NES: variants seen among roughly 807,000 people sequenced by gnomAD.
NES encodes nestin.
A neutral mutation model predicts 35.6 loss-of-function variants in NES; 27 were observed. That is an observed-to-expected ratio of 0.76 (90% CI 0.56 to 1.04). The LOEUF is 1.04. Ranked by LOEUF, NES falls within the 50% of genes least tolerant of loss-of-function variation. The pLI is 0.00. For synonymous variants in NES, 822 were observed against 824.2 expected (o/e 1.00, Z 0.04); for missense variants, 1,867 against 1,983.6 (o/e 0.94, Z 1.12).
chr1:156,669,541 C>T lies in NES; in HGVS notation c.4647G>A (p.Val1549=). Residue 1549 remains valine, a synonymous_variant, in exon 4 of 4, where the codon GTG becomes GTA. Transcript: ENST00000368223. ...CCAGCCCGTTCATCACTCCCCCATTCACATGCTGTGACTTCCCCTCCAAGT... is the reference window on the plus strand; with the variant it reads ...CCAGCCCGTTCATCACTCCCCCATTTACATGCTGTGACTTCCCCTCCAAGT... The part of the protein sequence containing the change: ...GPNLEGKSQH[V]NGGVMNGLEQ... 5.0e-6 allele frequency: 8 copies of T among 1,612,820 alleles called. No homozygotes were observed. The Middle Eastern group carries it at 9.9e-4, about 200-fold the overall frequency.
chr1:156,672,708 G>A lies in NES; in HGVS notation c.1480C>T (p.Arg494Ter), dbSNP rs374213104. Residue 494 changes from arginine to a stop codon, truncating the protein, a stop_gained, in exon 4 of 4, where the codon CGA (arginine) becomes TGA (stop). Coordinates refer to ENST00000368223, the MANE Select transcript of NES (RefSeq NM_006617.2). LOFTEE classifies it low-confidence loss of function (END_TRUNC). ...CAGATTTGCCCTTCACCTTCCCCTC[G>A]GCATATGCTGAACACTCTAGACCCA... is the stretch of plus-strand genomic sequence containing the variant. ...SGGSRVFSIC[R>*]GEGEGQIWGL... is the part of the protein sequence containing the mutation. 8 of 1,613,382 alleles carry A rather than the reference G, an allele frequency of 5.0e-6. No homozygotes were observed. Among genetic ancestry groups the A allele is most frequent in the African/African-American group, 1.3e-5 (1 of 74,870 alleles).
intron 3 of NES, 121 bp downstream of exon 3, chr1:156,673,333 T>C (rs367783470): frequency 1.5e-6 from 2 of 1,309,932 alleles, no homozygotes; most frequent in East Asian, 2.3e-5. Flanking sequence ...GCTGAGAGCA[T>C]GCTCACTGAC....
At position 156,673,437 on chromosome 1, in the gene NES, T is replaced by G. The variant is rs766554929; in HGVS notation, c.982+17A>C. The stretch of plus-strand genomic sequence containing the variant: ...AAAGCAGGGTAGTTTCTGGGGGAAC[T>G]TGGCCCCTCCTCTTACCCTGAAAGC... On this transcript the variant is annotated intron_variant, in intron 3 of 3. Coordinates refer to ENST00000368223, the MANE Select transcript of NES (RefSeq NM_006617.2). The G allele has an allele frequency of 1.9e-5, 30 of 1,607,194 alleles. No individual in the cohort carries two copies. Among genetic ancestry groups the G allele is most frequent in the Non-Finnish European group, 1.4e-5 (17 of 1,175,026 alleles).
intron 1 of NES, 21 bp from the exon 2 acceptor site, chr1:156,675,361 A>AAG (rs765415867): frequency 1.3e-6 from 2 of 1,589,558 alleles, no homozygotes; most frequent in South Asian, 2.2e-5. Context: ...GGCGAGAGGC[A>AAG]GTCAGTGGAG....
Position 156,673,175 on chromosome 1 carries a change from G to A in NES, c.1013C>T (p.Thr338Ile). 2 of 1,527,420 alleles carry A rather than the reference G, an allele frequency of 1.3e-6. No homozygotes were observed. Among genetic ancestry groups the A allele is most frequent in the Non-Finnish European group, 1.8e-6 (2 of 1,137,506 alleles). The allele number at this position is 1,527,420 out of a possible 1,614,324, so 94.6% of individuals were successfully genotyped here. ...DPKLELQFPR[T>I]PEGRRLGSLL... is the part of the protein sequence containing the mutation. Reference sequence around the variant, plus strand: ...AGATCCAAGACGCCGGCCCTCTGGGGTCCTAGGGAATTGCAGCTCCAGCTT... The same window carrying A: ...AGATCCAAGACGCCGGCCCTCTGGGATCCTAGGGAATTGCAGCTCCAGCTT... Residue 338 changes from threonine (T) to isoleucine (I), a missense_variant, in exon 4 of 4, where the codon ACC (threonine) becomes ATC (isoleucine). Thr to Ile is a moderately conservative substitution (Grantham distance 89). Transcript: ENST00000368223.
At chr1:156,675,389 G>A (rs955139695) in intron 1 of NES, 49 bp from the exon 2 acceptor site, 1 of 1,550,276 alleles carries the variant, frequency 6.5e-7, no homozygotes, top group Non-Finnish European at 8.7e-7. Context: ...GGTCCCTTCT[G>A]TGAACCAACC....
chr1:156,675,257 C>A lies in NES; in HGVS notation c.867G>T (p.Ala289=). 2 of 1,613,658 alleles carry A rather than the reference C, an allele frequency of 1.2e-6. No individual in the cohort carries two copies. The highest frequency in any genetic ancestry group is 1.7e-6 in the Non-Finnish European group (2 of 1,179,910). ...CCAGGCTGAGGGACATCTTGAGGTGCGCCAGCTGCTGCCGACCTTCCAGGA... is the reference window on the plus strand; with the variant it reads ...CCAGGCTGAGGGACATCTTGAGGTGAGCCAGCTGCTGCCGACCTTCCAGGA... The part of the protein sequence containing the change: ...AQVLEGRQQL[A]HLKMSLSLEV... Residue 289 remains alanine (A), a synonymous_variant, in exon 2 of 4, where the codon GCG becomes GCT. Transcript: ENST00000368223.
Position 156,676,494 on chromosome 1 carries a change from A to T in NES, c.771T>A (p.Thr257=), listed in dbSNP as rs751196507. 6.3e-7 allele frequency: 1 copy of T among 1,597,150 alleles called. No individual in the cohort carries two copies. Among genetic ancestry groups the T allele is most frequent in the Non-Finnish European group, 8.5e-7 (1 of 1,179,134 alleles). Residue 257 remains threonine (T), a synonymous_variant, in exon 1 of 4, where the codon ACT becomes ACA. Transcript: ENST00000368223. The surrounding 1 kb of genome is among the most constrained non-coding windows in gnomAD (Gnocchi z 5.3). ...TCAACCTCCTCACCTGGAACTTTTCAGTAGCCCGCAGCCGCTCCTGCCAGC... is the reference window on the plus strand; with the variant it reads ...TCAACCTCCTCACCTGGAACTTTTCTGTAGCCCGCAGCCGCTCCTGCCAGC... ...EGRWQERLRA[T]EKFQLAVEAL...
At position 156,670,126 on chromosome 1, in the gene NES, C is replaced by T; in HGVS notation, c.4062G>A (p.Glu1354=). The change falls in exon 4 of 4, where the codon GAG becomes GAA. Residue 1354 remains glutamate, a synonymous_variant. Coordinates refer to ENST00000368223, the MANE Select transcript of NES (RefSeq NM_006617.2). ...AGTCACGGCCACACTCCTCTTCTCC[C>T]TCCTCCCCCTCCTCCTTTTCTGAGG... ...APPSEKEEGE[E]GEEECGRDSD... is the part of the protein sequence containing the mutation. The T allele has an allele frequency of 6.2e-7, 1 of 1,614,024 alleles. No homozygotes were observed. The highest frequency in any genetic ancestry group is 8.5e-7 in the Non-Finnish European group (1 of 1,179,998).
rs1457912653 is a variant in NES at position 156,676,629 on chromosome 1, G to A, written c.636C>T (p.Gly212=). The A allele has an allele frequency of 6.5e-7, 1 of 1,538,422 alleles. No individual in the cohort carries two copies. The highest frequency in any genetic ancestry group is 1.2e-5 in the South Asian group (1 of 84,672). ...TSLGQARERL[G]RAVQGAREGR... ...CCTCGCGGGCACCCTGCACCGCCCG[G>A]CCCAGCCGCTCGCGGGCCTGGCCCA... Residue 212 remains glycine, a synonymous_variant, in exon 1 of 4, where the codon GGC becomes GGT. Transcript: ENST00000368223. The surrounding 1 kb of genome is among the most constrained non-coding windows in gnomAD (Gnocchi z 5.3).
Position 156,670,716 on chromosome 1 carries a change from G to A in NES, c.3472C>T (p.Pro1158Ser), listed in dbSNP as rs1490225496. Residue 1158 changes from proline (P) to serine (S), a missense_variant, in exon 4 of 4, where the codon CCT (proline) becomes TCT (serine). Coordinates refer to ENST00000368223, the MANE Select transcript of NES (RefSeq NM_006617.2). ...GGLGTEFSEL[P>S]GKSRDPWEPP... ...TCCCAAGGGTCTCTGCTCTTCCCAG[G>A]CAGCTCGGAGAACTCTGTCCCCAGA... 2 of 1,613,928 alleles carry A rather than the reference G, an allele frequency of 1.2e-6. No homozygotes were observed. The highest frequency in any genetic ancestry group is 1.7e-6 in the Non-Finnish European group (2 of 1,179,934).
In NES at chr1:156,670,194, A is replaced by AGCCCTCCTTTCCAGTCTCCCC. The variant is rs747304563; in HGVS notation, c.3973_3993dup (p.Gly1325_Gly1331dup). ...TCGGAAGCCAGGACAGCAGGATCCCAGCCCTCCTTTCCAGTCTCCCCTTGA... is the reference window on the plus strand; with the variant it reads ...TCGGAAGCCAGGACAGCAGGATCCCAGCCCTCCTTTCCAGTCTCCCCGCCCTCCTTTCCAGTCTCCCCTTGA... On this transcript the variant is annotated inframe_insertion, in exon 4 of 4. Coordinates refer to ENST00000368223, the MANE Select transcript of NES (RefSeq NM_006617.2). The AGCCCTCCTTTCCAGTCTCCCC allele has an allele frequency of 2.5e-6, 4 of 1,614,018 alleles. No homozygotes were observed. The highest frequency in any genetic ancestry group is 3.4e-6 in the Non-Finnish European group (4 of 1,179,980).
chr1:156,672,143 T>C lies in NES; in HGVS notation c.2045A>G (p.Glu682Gly). 6.2e-7 allele frequency: 1 copy of C among 1,612,090 alleles called. No homozygotes were observed. Among genetic ancestry groups the C allele is most frequent in the South Asian group, 1.1e-5 (1 of 90,610 alleles). Residue 682 changes from glutamate (E) to glycine (G), a missense_variant, in exon 4 of 4, where the codon GAA becomes GGA. Physicochemically the swap from Glu to Gly is moderately conservative, Grantham distance 98. Transcript: ENST00000368223. Reference protein sequence around the residue: ...KENQEPLRSPEVGDEEALRPL... With the variant: ...KENQEPLRSPGVGDEEALRPL... ...TCTCAGTGCCTCCTCATCCCCTACT[T>C]CTGGAGATCTCAGTGGCTCTTGATT...
Position 156,672,845 on chromosome 1 carries a change from C to G in NES, c.1343G>C (p.Gly448Ala). The G allele has an allele frequency of 6.2e-7, 1 of 1,613,946 alleles. No homozygotes were observed. The highest frequency in any genetic ancestry group is 8.5e-7 in the Non-Finnish European group (1 of 1,180,034). Residue 448 changes from glycine to alanine, a missense_variant, in exon 4 of 4, where the codon GGG becomes GCG. Gly to Ala is a moderately conservative substitution (Grantham distance 60, BLOSUM62 0). Coordinates refer to ENST00000368223, the MANE Select transcript of NES (RefSeq NM_006617.2). ...ASVLPGPEEPGGQRQEASTGQ... is the reference protein window; with the variant it reads ...ASVLPGPEEPAGQRQEASTGQ... Reference sequence around the variant, plus strand: ...TGTACTGGCCTCTTGCCGCTGGCCCCCAGGCTCCTCTGGTCCAGGCAGGAC... The same window carrying G: ...TGTACTGGCCTCTTGCCGCTGGCCCGCAGGCTCCTCTGGTCCAGGCAGGAC...
rs1679645474 is a variant in NES, at chr1:156,669,254, G to T, written c.*68C>A. 5 of 1,075,664 alleles carry T rather than the reference G, an allele frequency of 4.6e-6. No individual in the cohort carries two copies. The allele number at this position is 1,075,664 out of a possible 1,614,324, so 66.6% of individuals were successfully genotyped here. ...TAAGAGTGCTGCTCCTGAGCAGGGA[G>T]CGGGCTTGGAGGCGTCCTTCCCCTC... On this transcript the variant is annotated 3_prime_UTR_variant, in exon 4 of 4. Coordinates refer to ENST00000368223, the MANE Select transcript of NES (RefSeq NM_006617.2).
chr1:156,674,386 G>A (rs2102588267), intron 2 of NES, among the ~76,000 whole-genome samples: 1 of 152,260 alleles, frequency 6.6e-6, no homozygotes, highest in East Asian at 1.9e-4. Context: ...CCTTCCTTCT[G>A]GGCTTCTCTT....
rs770407293 is a variant in NES at position 156,671,331 on chromosome 1, C to T, written c.2857G>A (p.Asp953Asn). The change falls in exon 4 of 4, where the codon GAT becomes AAT. Residue 953 changes from aspartate (D) to asparagine (N), a missense_variant. Transcript: ENST00000368223. ...AGTTCTTGGTCCTTCTCCACCGTATCTTCCCACCTCTGCACATCTGCAGAC... is the reference window on the plus strand; with the variant it reads ...AGTTCTTGGTCCTTCTCCACCGTATTTTCCCACCTCTGCACATCTGCAGAC... Reference protein sequence around the residue: ...PQSADVQRWEDTVEKDQELAQ... With the variant: ...PQSADVQRWENTVEKDQELAQ... 6.2e-7 allele frequency: 1 copy of T among 1,614,146 alleles called. No homozygotes were observed. The highest frequency in any genetic ancestry group is 8.5e-7 in the Non-Finnish European group (1 of 1,180,042).
In NES at chr1:156,670,650, G is replaced by A. The variant is rs1679699919; in HGVS notation, c.3538C>T (p.Pro1180Ser). 6.2e-7 allele frequency: 1 copy of A among 1,613,934 alleles called. No individual in the cohort carries two copies. The highest frequency in any genetic ancestry group is 8.5e-7 in the Non-Finnish European group (1 of 1,179,950). The change falls in exon 4 of 4, where the codon CCC becomes TCC. Residue 1180 changes from proline to serine, a missense_variant. Transcript: ENST00000368223. ...EGREESEAEA[P>S]RGAEEAFPAE... ...GGGAACGCCTCCTCTGCTCCCCTGGGGGCCTCAGCCTCTGACTCCTCCCTA... is the reference window on the plus strand; with the variant it reads ...GGGAACGCCTCCTCTGCTCCCCTGGAGGCCTCAGCCTCTGACTCCTCCCTA...
intron 2 of NES, among the ~76,000 whole-genome samples, chr1:156,674,269 A>T (rs1679795953): frequency 6.6e-6 from 1 of 151,746 alleles, no homozygotes; most frequent in Admixed American, 6.6e-5. Flanking sequence ...GGACCAATCA[A>T]TTCAATAACT....
Sources: allele counts gnomAD v4.1 joint callset (sites outside exome capture counted in the v4.1 genomes callset), GRCh38; gene constraint gnomAD v4.1.1; non-coding constraint Gnocchi (gnomAD v3.1); transcripts MANE v1.5; gene names NCBI Gene and HGNC (gene_info 2026-07-23, HGNC 2026-07-21).